PCDHA11: variants seen among roughly 807,000 people sequenced by gnomAD.
PCDHA11 encodes protocadherin alpha 11.
Under a neutral mutation model 70.3 loss-of-function variants are expected in PCDHA11, and 61 were observed. The observed-to-expected ratio is 0.87, with a 90% CI of 0.71 to 1.07. PCDHA11 has a LOEUF of 1.07. Ranked by LOEUF, PCDHA11 falls within the 50% of genes least tolerant of loss-of-function variation. The pLI, the probability that PCDHA11 is intolerant of heterozygous loss-of-function variation, is 0.00. For missense variants in PCDHA11, 1,324 were observed against 1,237.5 expected, an observed-to-expected ratio of 1.07 and a Z score of -1.05; for synonymous variants, 633 against 555.1, an observed-to-expected ratio of 1.14 and a Z score of -1.97.
chr5:141,002,090 A>G (rs1554258504), intron 3 of PCDHA11, among the ~76,000 whole-genome samples: 1 of 152,254 alleles, frequency 6.6e-6, no homozygotes, highest in Non-Finnish European at 1.5e-5. Context: ...CGAGCAGTCC[A>G]GGGGCTGGGC....
chr5:140,904,584 A>T (rs1434719463), intron 1 of PCDHA11, among the ~76,000 whole-genome samples: 1 of 152,088 alleles, frequency 6.6e-6, no homozygotes, highest in African/African-American at 2.4e-5. Context: ...GACACCCAGT[A>T]GTGGGACTGC....
At chr5:140,924,901 AAAAAT>A (rs10667761) in intron 1 of PCDHA11, among the ~76,000 whole-genome samples, 4,416 of 80,206 alleles carry the variant, frequency 0.055, 204 homozygotes, top group African/African-American at 0.16. Flanking sequence ...TCTCAAAAAA[AAAAAT>A]AAAATAAAAT....
At chr5:140,928,532 A>G (rs781788985) in intron 1 of PCDHA11, 42 of 1,614,110 alleles carry the variant, frequency 2.6e-5, no homozygotes, top group Middle Eastern at 1.6e-4. Flanking sequence ...TTTGTGGTAG[A>G]TAGGAATGAC....
In PCDHA11 at chr5:140,870,824, G is replaced by A. The variant is rs1296646483; in HGVS notation, c.1721G>A (p.Gly574Asp). Residue 574 changes from glycine (G) to aspartate (D), a missense_variant, in exon 1 of 4, where the codon GGC becomes GAC. Gly to Asp is a moderately conservative substitution (Grantham distance 94, BLOSUM62 -1). Coordinates refer to ENST00000398640, the MANE Select transcript of PCDHA11 (RefSeq NM_018902.5). ...LLATQAGSAG[G>D]AVNKLVPRSV... ...GCGACTCAGGCTGGCAGCGCGGGAG[G>A]CGCAGTTAACAAGCTAGTACCGCGG... 8.7e-6 allele frequency: 14 copies of A among 1,613,638 alleles called. No homozygotes were observed. The East Asian group carries it at 2.9e-4, about 33-fold the overall frequency.
chr5:140,985,554 A>G (rs1563525071), intron 3 of PCDHA11, among the ~76,000 whole-genome samples: 1 of 152,114 alleles, frequency 6.6e-6, no homozygotes, highest in Non-Finnish European at 1.5e-5. Flanking sequence ...GTTGCTTCCA[A>G]AAGGCTTCTT....
chr5:140,928,125 C>T, intron 1 of PCDHA11: 2 of 1,614,154 alleles, frequency 1.2e-6, no homozygotes, highest in Non-Finnish European at 1.7e-6. Context: ...TCAGTGAATA[C>T]CAAGTCCTGA....
At chr5:140,968,946 GCAT>G in intron 1 of PCDHA11, 4 of 1,614,172 alleles carry the variant, frequency 2.5e-6, no homozygotes, top group Non-Finnish European at 3.4e-6. Flanking sequence ...ATCATTTTGA[GCAT>G]CATCAAGTGC....
At chr5:140,966,447 C>G (rs373859357) in intron 1 of PCDHA11, 3 of 425,206 alleles carry the variant, frequency 7.1e-6, no homozygotes, top group Non-Finnish European at 8.2e-6. Flanking sequence ...CTCCCTTTCC[C>G]CCTCCCCCTC....
chr5:140,884,357 A>C, intron 1 of PCDHA11: 1 of 1,613,864 alleles, frequency 6.2e-7, no homozygotes. Context: ...GGTGGATGTC[A>C]ATGTTTACTT....
chr5:141,006,946 G>A (rs1333269040), intron 3 of PCDHA11, among the ~76,000 whole-genome samples: 1 of 152,120 alleles, frequency 6.6e-6, no homozygotes, highest in African/African-American at 2.4e-5. Flanking sequence ...TACCAGATAG[G>A]CAGTTATACA....
chr5:140,977,844 G>A (rs2096777589), intron 1 of PCDHA11, among the ~76,000 whole-genome samples: 1 of 152,136 alleles, frequency 6.6e-6, no homozygotes, highest in Admixed American at 6.5e-5. Context: ...TATTACTATG[G>A]CTTTGTTTCT....
chr5:140,883,109 T>A (rs782237873), intron 1 of PCDHA11: 1 of 1,613,962 alleles, frequency 6.2e-7, no homozygotes, highest in Non-Finnish European at 8.5e-7. Context: ...AGTTTACTCA[T>A]TTAGAAGGCC....
intron 1 of PCDHA11, chr5:140,871,730 T>C: frequency 2.8e-6 from 2 of 714,038 alleles, no homozygotes; most frequent in Middle Eastern, 4.1e-4. Flanking sequence ...TAATATTTGG[T>C]TAGCAAATCC....
chr5:140,874,132 A>T (rs181983769), intron 1 of PCDHA11, among the ~76,000 whole-genome samples: 8 of 152,358 alleles, frequency 5.3e-5, no homozygotes, highest in Non-Finnish European at 1.2e-4. Flanking sequence ...TATTTAAGTT[A>T]TCTTATACTT....
intron 1 of PCDHA11, among the ~76,000 whole-genome samples, chr5:140,914,944 CT>C (rs35695909): frequency 0.29 from 37,051 of 128,010 alleles, 4,894 homozygotes; most frequent in East Asian, 0.5. Flanking sequence ...GAAAAGTTGT[CT>C]TTTTTTTTTT....
At chr5:140,898,870 C>T (rs1477095887) in intron 1 of PCDHA11, among the ~76,000 whole-genome samples, 3 of 151,586 alleles carry the variant, frequency 2.0e-5, no homozygotes, top group South Asian at 4.2e-4. Context: ...TTTCATTGAG[C>T]AGTGGTTTGT....
At chr5:140,927,964 G>A in intron 1 of PCDHA11, 1 of 1,614,230 alleles carries the variant, frequency 6.2e-7, no homozygotes, top group South Asian at 1.1e-5. Context: ...CCCTGGCACA[G>A]TGATTGCTCT....
intron 1 of PCDHA11, among the ~76,000 whole-genome samples, chr5:140,933,436 A>G (rs1554209364): frequency 6.6e-6 from 1 of 152,102 alleles, no homozygotes; most frequent in Non-Finnish European, 1.5e-5. Flanking sequence ...GGGGCACTCT[A>G]ATGACATACC....
Position 141,010,368 on chromosome 5 carries a change from C to A in PCDHA11, c.*431C>A. On this transcript the variant is annotated 3_prime_UTR_variant, in exon 4 of 4. Transcript: ENST00000398640. ...GGTATGTGTGGCTACCGCGGGTATG[C>A]GAGTGCCAGATATTGGCTGAGACGA... 2 of 1,471,050 alleles carry A rather than the reference C, an allele frequency of 1.4e-6. No homozygotes were observed. Among genetic ancestry groups the A allele is most frequent in the Non-Finnish European group, 1.8e-6 (2 of 1,106,904 alleles). The allele number at this position is 1,471,050 out of a possible 1,614,324, so 91.1% of individuals were successfully genotyped here. A position where few individuals can be genotyped will look rare whatever the true frequency, so the allele number is the denominator to read the frequency against.
Sources: gnomAD v4.1 joint callset for allele counts (sites outside exome capture counted in the v4.1 genomes callset) on GRCh38, gnomAD v4.1.1 for gene constraint, MANE v1.5 for transcripts, NCBI Gene and HGNC (gene_info 2026-07-23, HGNC 2026-07-21) for gene names.